Variants in ZNF79 observed in about 807,000 individuals in gnomAD.
ZNF79 encodes the protein ZNFpT7.
A neutral mutation model predicts 14.9 loss-of-function variants in ZNF79; 13 were observed. The ratio of observed to expected loss-of-function variants is 0.87; its 90% CI spans 0.57 to 1.38. ZNF79 has a LOEUF of 1.38. Ranked by LOEUF, ZNF79 falls within the 40% of genes most tolerant of loss-of-function variation. The pLI is 0.00. For missense variants in ZNF79, 631 were observed against 630.6 expected (o/e 1.00, Z -0.01); for synonymous variants, 223 against 235.1 (o/e 0.95, Z 0.47).
At chr9:127,427,922 A>G (rs916362642) in intron 1 of ZNF79, among the ~76,000 whole-genome samples, 1 of 152,220 alleles carries the variant, frequency 6.6e-6, no homozygotes, top group African/African-American at 2.4e-5. Context: ...GTCATATCTA[A>G]GAAATCATTG....
Position 127,445,044 on chromosome 9 carries a change from T to C in ZNF79, c.1344T>C (p.Asn448=). 2 of 1,613,878 alleles carry C rather than the reference T, an allele frequency of 1.2e-6. No homozygotes were observed. The highest frequency in any genetic ancestry group is 1.7e-6 in the Non-Finnish European group (2 of 1,179,988). ...CCGGAGAAAAACCTTATGAGTGTAA[T>C]GAGTGTGGTAAAGCGTTTAACCAGA... ...IHTGEKPYEC[N]ECGKAFNQSS... Residue 448 remains asparagine (N), a synonymous_variant, in exon 5 of 5, where the codon AAT becomes AAC. Transcript: ENST00000342483.
chr9:127,431,180 T>C (rs1833852615), intron 2 of ZNF79, among the ~76,000 whole-genome samples: 1 of 152,164 alleles, frequency 6.6e-6, no homozygotes, highest in South Asian at 2.1e-4. Context: ...ATTAGACTTT[T>C]GTCAGTTGCA....
intron 2 of ZNF79, among the ~76,000 whole-genome samples, chr9:127,430,750 G>A (rs1048045991): frequency 3.3e-5 from 5 of 152,202 alleles, no homozygotes; most frequent in South Asian, 2.1e-4. Context: ...GCATGCATGC[G>A]TCTTTTGGTA....
intron 3 of ZNF79, among the ~76,000 whole-genome samples, chr9:127,435,476 C>A (rs953607502): frequency 3.9e-5 from 6 of 152,322 alleles, no homozygotes; most frequent in Middle Eastern, 3.4e-3. Flanking sequence ...CCTCTATGTT[C>A]AGTACGTTTC....
Position 127,424,395 on chromosome 9 carries a change from C to T in ZNF79, c.-393C>T, listed in dbSNP as rs1000963194. Reference sequence around the variant, plus strand: ...GGAAGTGGCGCCAATCAGGCGCGTCCCTCTGGCGCTGGAGCCAGGACCTGG... The same window carrying T: ...GGAAGTGGCGCCAATCAGGCGCGTCTCTCTGGCGCTGGAGCCAGGACCTGG... On this transcript the variant is annotated 5_prime_UTR_variant, in exon 1 of 5. Coordinates refer to ENST00000342483, the MANE Select transcript of ZNF79 (RefSeq NM_007135.3). The T allele has an allele frequency of 5.5e-5, 11 of 198,620 alleles. No homozygotes were observed. The highest frequency in any genetic ancestry group is 2.1e-5 in the Non-Finnish European group (2 of 95,388). 12.3% of individuals were successfully genotyped at this position (198,620 alleles called of 1,614,324 possible).
At chr9:127,435,340 T>C (rs1346674841) in intron 3 of ZNF79, 124 bp downstream of exon 3, 3 of 1,194,844 alleles carry the variant, frequency 2.5e-6, no homozygotes, top group Non-Finnish European at 3.4e-6. Flanking sequence ...TTATTCCTCT[T>C]GTTCTCTTGG....
intron 1 of ZNF79, among the ~76,000 whole-genome samples, chr9:127,427,769 C>G (rs1308593464): frequency 4.6e-5 from 7 of 152,038 alleles, no homozygotes; most frequent in African/African-American, 1.2e-4. Context: ...AACTCTTGGG[C>G]TCCCTAAGTG....
chr9:127,437,470 T>A lies in ZNF79; in HGVS notation c.328+1467T>A, dbSNP rs146069237. Among the ~76,000 whole-genome samples, 7 of 151,298 alleles carry A rather than the reference T, an allele frequency of 4.6e-5. No homozygotes were observed. The East Asian group carries it at 1.4e-3, about 29-fold the overall frequency. On this transcript the variant is annotated intron_variant, in intron 4 of 4. Coordinates refer to ENST00000342483, the MANE Select transcript of ZNF79 (RefSeq NM_007135.3). Reference sequence around the variant, plus strand: ...AACAACTGCCTTTTTCTGGGAAGAGTGTTCATCATAGTCTCAGAGGGGTTC... The same window carrying A: ...AACAACTGCCTTTTTCTGGGAAGAGAGTTCATCATAGTCTCAGAGGGGTTC...
chr9:127,444,404 C>G lies in ZNF79; in HGVS notation c.704C>G (p.Ser235Cys). 6.2e-7 allele frequency: 1 copy of G among 1,610,588 alleles called. No individual in the cohort carries two copies. Among genetic ancestry groups the G allele is most frequent in the Non-Finnish European group, 8.5e-7 (1 of 1,178,058 alleles). ...ECGKAFSQSSSLIQHQRIHTG... is the reference protein window; with the variant it reads ...ECGKAFSQSSCLIQHQRIHTG... ...GGGAAGGCCTTCAGCCAGAGCTCAT[C>G]TCTCATTCAGCACCAGAGGATTCAC... The change falls in exon 5 of 5, where the codon TCT becomes TGT. Residue 235 changes from serine (S) to cysteine (C), a missense_variant. Coordinates refer to ENST00000342483, the MANE Select transcript of ZNF79 (RefSeq NM_007135.3).
intron 4 of ZNF79, among the ~76,000 whole-genome samples, chr9:127,438,087 T>TA (rs1833980638): frequency 6.6e-6 from 1 of 151,996 alleles, no homozygotes; most frequent in Non-Finnish European, 1.5e-5. Flanking sequence ...CCTCTGCCCT[T>TA]ACGCACAGCA....
At chr9:127,425,659 C>G (rs1833740640) in intron 1 of ZNF79, among the ~76,000 whole-genome samples, 1 of 152,176 alleles carries the variant, frequency 6.6e-6, no homozygotes, top group Non-Finnish European at 1.5e-5. Context: ...GTGGCGCAAT[C>G]TCAGCTCACT....
In ZNF79 at chr9:127,444,209, G is replaced by A. The variant is rs375240527; in HGVS notation, c.509G>A (p.Arg170His). 2.9e-5 allele frequency: 46 copies of A among 1,613,768 alleles called. No homozygotes were observed. Among genetic ancestry groups the A allele is most frequent in the Middle Eastern group, 1.6e-4 (1 of 6,082 alleles). Reference sequence around the variant, plus strand: ...AGAGTGCCCGTGGAAGCGAGACCTCGCAAATGTGAGACACACACCGAGAGC... The same window carrying A: ...AGAGTGCCCGTGGAAGCGAGACCTCACAAATGTGAGACACACACCGAGAGC... ...QQRVPVEARP[R>H]KCETHTESFK... Residue 170 changes from arginine to histidine, a missense_variant, in exon 5 of 5, where the codon CGC becomes CAC. Arg to His is a conservative substitution (Grantham distance 29). Transcript: ENST00000342483.
intron 2 of ZNF79, among the ~76,000 whole-genome samples, chr9:127,431,349 C>G (rs4395989): frequency 0.16 from 23,834 of 151,682 alleles, 2,392 homozygotes; most frequent in Admixed American, 0.3. Context: ...CTCCACCCCC[C>G]CAATGCTCAA....
At chr9:127,429,975 C>A (rs1833832034) in intron 2 of ZNF79, among the ~76,000 whole-genome samples, 1 of 152,048 alleles carries the variant, frequency 6.6e-6, no homozygotes, top group African/African-American at 2.4e-5. Flanking sequence ...CCCTACCACG[C>A]CCAGCTAATT....
Position 127,424,745 on chromosome 9 carries a change from C to T in ZNF79, c.-43C>T, listed in dbSNP as rs779828316. The T allele has an allele frequency of 6.8e-6, 11 of 1,613,282 alleles. No individual in the cohort carries two copies. Among genetic ancestry groups the T allele is most frequent in the African/African-American group, 4.0e-5 (3 of 74,854 alleles). ...GGGCTGCTGTAGATAGACCCTTACG[C>T]CCAGAGAACTGCTGGGAGGCTGTGG... On this transcript the variant is annotated 5_prime_UTR_variant, in exon 1 of 5. Transcript: ENST00000342483.
intron 2 of ZNF79, among the ~76,000 whole-genome samples, chr9:127,431,452 T>C (rs1171234982): frequency 6.6e-6 from 1 of 152,128 alleles, no homozygotes; most frequent in Non-Finnish European, 1.5e-5. Flanking sequence ...TTTTTCCTTT[T>C]TGGCTAGGCT....
intron 1 of ZNF79, 61 bp from the exon 2 acceptor site, chr9:127,428,771 G>A: frequency 1.4e-6 from 2 of 1,406,554 alleles, no homozygotes; most frequent in Non-Finnish European, 1.9e-6. Flanking sequence ...CCTCTTCACA[G>A]TGAGAACTGG....
In ZNF79 at chr9:127,445,233, A is replaced by C; in HGVS notation, c.*36A>C. 1 of 1,599,376 alleles carries C rather than the reference A, an allele frequency of 6.3e-7. No individual in the cohort carries two copies. On this transcript the variant is annotated 3_prime_UTR_variant, in exon 5 of 5. Transcript: ENST00000342483. ...GGTAGAAGTGGAGAGAGTCCCGGAC[A>C]TGCCGACTCAGGACAGGTGGGTGAG...
rs371947237 is a variant in ZNF79 at position 127,444,960 on chromosome 9, T to C, written c.1260T>C (p.Asn420=). The C allele has an allele frequency of 2.0e-4, 317 of 1,613,844 alleles. 1 individual carries two copies. The East Asian group carries it at 4.7e-3, about 24-fold the overall frequency. ...THTGEKPYKC[N]ECGKFFSESS... ...CCGGGGAGAAGCCATATAAATGTAATGAATGTGGGAAATTCTTCAGTGAGA... is the reference window on the plus strand; with the variant it reads ...CCGGGGAGAAGCCATATAAATGTAACGAATGTGGGAAATTCTTCAGTGAGA... Residue 420 remains asparagine (N), a synonymous_variant, in exon 5 of 5, where the codon AAT becomes AAC. Coordinates refer to ENST00000342483, the MANE Select transcript of ZNF79 (RefSeq NM_007135.3).
Sources: gnomAD v4.1 joint callset for allele counts (sites outside exome capture counted in the v4.1 genomes callset) on GRCh38, gnomAD v4.1.1 for gene constraint, MANE v1.5 for transcripts, NCBI Gene and HGNC (gene_info 2026-07-23, HGNC 2026-07-21) for gene names.